ISY1: variants seen among roughly 807,000 people sequenced by gnomAD.
The protein encoded by ISY1 is ISY1 spliceosome associated protein.
In ISY1, 12 loss-of-function variants were observed where a neutral mutation model predicts 54.4. The ratio of observed to expected loss-of-function variants is 0.22; its 90% CI spans 0.14 to 0.36. The LOEUF (loss-of-function observed/expected upper bound fraction) is 0.36. Among genes scored for constraint, ISY1 ranks in the 10% least tolerant of loss-of-function variants. The probability of loss-of-function intolerance (pLI) is 1.00; values close to 1 mark genes in which losing one functional copy is unlikely to be tolerated. For synonymous variants in ISY1, 96 were observed against 117.9 expected (o/e 0.81, Z 1.20); for missense variants, 282 against 342.2 (o/e 0.82, Z 1.39).
At chr3:129,160,863 C>T (rs960201793) in intron 1 of ISY1, 110 bp downstream of exon 1, 9 of 1,349,694 alleles carry the variant, frequency 6.7e-6, no homozygotes, top group Admixed American at 6.0e-5. Context: ...AACTTGAAGC[C>T]CTCAGCACTG....
chr3:129,146,795 C>A (rs1291921204), intron 5 of ISY1, among the ~76,000 whole-genome samples: 1 of 152,164 alleles, frequency 6.6e-6, no homozygotes, highest in Non-Finnish European at 1.5e-5. Context: ...CAGTGGCTCA[C>A]GCCTGTAATC....
At chr3:129,154,456 A>C (rs1301930151) in intron 5 of ISY1, among the ~76,000 whole-genome samples, 20 of 148,894 alleles carry the variant, frequency 1.3e-4, no homozygotes, top group Non-Finnish European at 1.8e-4. Flanking sequence ...AAAAAAAAAA[A>C]AAAAAAAGGA....
At chr3:129,140,989 A>G (rs1266924676) in intron 6 of ISY1, among the ~76,000 whole-genome samples, 1 of 150,784 alleles carries the variant, frequency 6.6e-6, no homozygotes, top group East Asian at 2.0e-4. Context: ...CGATCACTTC[A>G]GCTTAGGAGT....
At chr3:129,154,449 A>AC (rs1434817313) in intron 5 of ISY1, among the ~76,000 whole-genome samples, 9 of 149,454 alleles carry the variant, frequency 6.0e-5, no homozygotes, top group Non-Finnish European at 1.2e-4. Context: ...CAAAAAAAAA[A>AC]AAAAAAAAAA....
chr3:129,156,549 G>A, intron 5 of ISY1, 84 bp downstream of exon 5: 3 of 1,384,488 alleles, frequency 2.2e-6, no homozygotes, highest in Non-Finnish European at 3.0e-6. Flanking sequence ...TTGCTCTATT[G>A]ATTATTTTGA....
intron 9 of ISY1, among the ~76,000 whole-genome samples, chr3:129,131,031 G>A (rs1257690394): frequency 1.3e-5 from 2 of 152,208 alleles, no homozygotes; most frequent in African/African-American, 2.4e-5. Flanking sequence ...CTCAGAGGTT[G>A]CCTATGAGTC....
rs1323537414 is a variant in ISY1, at chr3:129,134,113, C to T, written c.624G>A (p.Glu208=). 6.8e-6 allele frequency: 11 copies of T among 1,614,180 alleles called. No individual in the cohort carries two copies. The highest frequency in any genetic ancestry group is 9.3e-6 in the Non-Finnish European group (11 of 1,180,020). The change falls in exon 9 of 11, where the codon GAG becomes GAA. Residue 208 remains glutamate (E), a synonymous_variant. Coordinates refer to ENST00000393295, the MANE Select transcript of ISY1 (RefSeq NM_020701.4). ...CTGCATAGATGTTGATCTCTTCCTC[C>T]TCTTCCTCCTCCTCTTCCTTTTCTC... ...ARGEKEEEEE[E]EEEINIYAVT... is the part of the protein sequence containing the mutation.
Position 129,140,503 on chromosome 3 carries a change from AAG to A in ISY1, c.301-20_301-19del. ...CCAACTTTCTTATTGGGAAGAAAAA[AAG>A]AGAAAATGGATCTGTTAGTTAGTTA... On this transcript the variant is annotated intron_variant, in intron 6 of 10. Coordinates refer to ENST00000393295, the MANE Select transcript of ISY1 (RefSeq NM_020701.4). 6.3e-7 allele frequency: 1 copy of A among 1,588,494 alleles called. No individual in the cohort carries two copies. Among genetic ancestry groups the A allele is most frequent in the Non-Finnish European group, 8.5e-7 (1 of 1,171,914 alleles).
chr3:129,157,323 G>C lies in ISY1; in HGVS notation c.79-403C>G, dbSNP rs146684874. Among the ~76,000 whole-genome samples, 392 of 152,018 alleles carry C rather than the reference G, an allele frequency of 2.6e-3. 3 individuals carry two copies. Among genetic ancestry groups the C allele is most frequent in the African/African-American group, 8.9e-3 (368 of 41,470 alleles). ...GAATGGTATATATTATCTCTAATTTGGGTGAGTCTCTAAGAAATGAAATAA... is the reference window on the plus strand; with the variant it reads ...GAATGGTATATATTATCTCTAATTTCGGTGAGTCTCTAAGAAATGAAATAA... On this transcript the variant is annotated intron_variant, in intron 3 of 10. Transcript: ENST00000393295.
chr3:129,159,118 C>CA, intron 2 of ISY1, 36 bp downstream of exon 2: 1 of 1,601,990 alleles, frequency 6.2e-7, no homozygotes, highest in Admixed American at 1.8e-5. Context: ...TTTTAAGTTA[C>CA]AAAAAATTTA....
intron 7 of ISY1, among the ~76,000 whole-genome samples, chr3:129,137,960 A>G (rs1321554772): frequency 6.7e-6 from 1 of 148,996 alleles, no homozygotes; most frequent in Non-Finnish European, 1.5e-5. Flanking sequence ...TGGCCAACAT[A>G]GGGAAACCCT....
At chr3:129,150,564 T>A (rs1437964728) in intron 5 of ISY1, among the ~76,000 whole-genome samples, 2 of 151,894 alleles carry the variant, frequency 1.3e-5, no homozygotes, top group African/African-American at 4.8e-5. Context: ...ACAAAAAAAA[T>A]TAGCCAGACG....
At position 129,140,423 on chromosome 3, in the gene ISY1, C is replaced by T; in HGVS notation, c.363G>A (p.Lys121=). Residue 121 remains lysine, a synonymous_variant, in exon 7 of 11, where the codon AAG becomes AAA. Coordinates refer to ENST00000393295, the MANE Select transcript of ISY1 (RefSeq NM_020701.4). ...GKEVPGNRGY[K]YFGAAKDLPG... ...GCAAATCTTTTGCTGCTCCAAAGTACTTGTAACCTCGGTTTCCTGGGACTT... is the reference window on the plus strand; with the variant it reads ...GCAAATCTTTTGCTGCTCCAAAGTATTTGTAACCTCGGTTTCCTGGGACTT... 1 of 1,613,456 alleles carries T rather than the reference C, an allele frequency of 6.2e-7. No homozygotes were observed.
chr3:129,153,386 T>C (rs575869399), intron 5 of ISY1, among the ~76,000 whole-genome samples: 1 of 152,218 alleles, frequency 6.6e-6, no homozygotes, highest in Admixed American at 6.5e-5. Flanking sequence ...AGTAGAATTA[T>C]TGACACTGTA....
rs377712019 is a variant in ISY1, at chr3:129,147,737, T to C, written c.188-1864A>G. On this transcript the variant is annotated intron_variant, in intron 5 of 10. Coordinates refer to ENST00000393295, the MANE Select transcript of ISY1 (RefSeq NM_020701.4). The stretch of plus-strand genomic sequence containing the variant: ...TCACCATAATTAAGACACAGAAAAG[T>C]TCCATCGCCCCAAAACATTCCCTTA... Among the ~76,000 whole-genome samples the C allele has an allele frequency of 4.6e-4, 70 of 152,254 alleles. 1 individual carries two copies. Among genetic ancestry groups the C allele is most frequent in the African/African-American group, 1.7e-3 (69 of 41,554 alleles).
intron 8 of ISY1, among the ~76,000 whole-genome samples, chr3:129,134,463 C>T (rs1476330017): frequency 6.6e-6 from 1 of 152,212 alleles, no homozygotes; most frequent in Non-Finnish European, 1.5e-5. Context: ...AACATGTCCA[C>T]ATGAAAAGAG....
chr3:129,154,405 A>T (rs903438799), intron 5 of ISY1, among the ~76,000 whole-genome samples: 10 of 130,410 alleles, frequency 7.7e-5, no homozygotes, highest in Non-Finnish European at 1.5e-4. Flanking sequence ...TCGCCACTGC[A>T]CTCTAGCCTG....
At chr3:129,136,749 G>T (rs1047194556) in intron 7 of ISY1, among the ~76,000 whole-genome samples, 14 of 151,228 alleles carry the variant, frequency 9.3e-5, no homozygotes, top group Non-Finnish European at 1.6e-4. Flanking sequence ...GAGTGCAATG[G>T]CGTGATCTCA....
Position 129,160,620 on chromosome 3 carries a change from T to A in ISY1, c.3+353A>T, listed in dbSNP as rs1259852884. 2.0e-5 allele frequency among the ~76,000 whole-genome samples: 3 copies of A among 152,226 alleles called. No individual in the cohort carries two copies. The East Asian group carries it at 5.8e-4, about 29-fold the overall frequency. ...AATCCCAGAAACATATAGTCACAAC[T>A]GCTCTTAATCTTCTCTGTGGTATTT... On this transcript the variant is annotated intron_variant, in intron 1 of 10. Transcript: ENST00000393295.
Sources: allele counts gnomAD v4.1 joint callset (sites outside exome capture counted in the v4.1 genomes callset), GRCh38; gene constraint gnomAD v4.1.1; transcripts MANE v1.5; gene names NCBI Gene and HGNC (gene_info 2026-07-23, HGNC 2026-07-21).